The following XRCC4 variants were observed in gnomAD, a reference collection of about 807,000 sequenced individuals.
The protein encoded by XRCC4 is DNA repair protein XRCC4.
Under a neutral mutation model 39.1 loss-of-function variants are expected in XRCC4, and 28 were observed. The ratio of observed to expected loss-of-function variants is 0.72; its 90% CI spans 0.53 to 0.98. The LOEUF (loss-of-function observed/expected upper bound fraction) is 0.98. XRCC4 is among the 50% of genes least tolerant of loss of function. The pLI, the probability that XRCC4 is intolerant of heterozygous loss-of-function variation, is 0.00. For missense variants in XRCC4, 350 were observed against 376.4 expected (o/e 0.93, Z 0.58); for synonymous variants, 123 against 126.4 (o/e 0.97, Z 0.18).
At chr5:83,136,830 GAAATTCAGTC>G (rs1455743895) in intron 3 of XRCC4, among the ~76,000 whole-genome samples, 1 of 152,070 alleles carries the variant, frequency 6.6e-6, no homozygotes, top group Non-Finnish European at 1.5e-5. Flanking sequence ...TGTTTATTAT[GAAATTCAGTC>G]AAAAATCATA....
At chr5:83,248,129 C>A (rs1487898275) in intron 6 of XRCC4, among the ~76,000 whole-genome samples, 2 of 152,120 alleles carry the variant, frequency 1.3e-5, no homozygotes, top group African/African-American at 4.8e-5. Context: ...GAGCAGAATA[C>A]TCTTTCTGGC....
At chr5:83,337,937 C>G (rs752372469) in intron 7 of XRCC4, among the ~76,000 whole-genome samples, 5 of 152,074 alleles carry the variant, frequency 3.3e-5, no homozygotes, top group Non-Finnish European at 7.4e-5. Flanking sequence ...GAAAGCTTCA[C>G]AGAAACAATA....
At chr5:83,348,096 C>G (rs1756970098) in intron 7 of XRCC4, among the ~76,000 whole-genome samples, 1 of 152,156 alleles carries the variant, frequency 6.6e-6, no homozygotes, top group Non-Finnish European at 1.5e-5. Flanking sequence ...CTCCAGGGTA[C>G]AGCCCCCATG....
intron 7 of XRCC4, among the ~76,000 whole-genome samples, chr5:83,268,462 A>C (rs895344323): frequency 6.6e-6 from 1 of 152,162 alleles, no homozygotes; most frequent in East Asian, 1.9e-4. Flanking sequence ...ATCATTTTAC[A>C]TCATTTCATT....
intron 7 of XRCC4, among the ~76,000 whole-genome samples, chr5:83,275,114 A>G (rs868459330): frequency 6.6e-6 from 1 of 152,188 alleles, no homozygotes; most frequent in South Asian, 2.1e-4. Context: ...TTTTAGCAGT[A>G]AAGTTCCCAA....
intron 1 of XRCC4, among the ~76,000 whole-genome samples, chr5:83,103,016 A>ATATATG (rs957769080): frequency 7.0e-6 from 1 of 143,678 alleles, no homozygotes; most frequent in African/African-American, 2.6e-5. Flanking sequence ...GCTGATATAT[A>ATATATG]TATATATATA....
Position 83,238,733 on chromosome 5 carries a change from A to T in XRCC4, c.746-19797A>T, listed in dbSNP as rs1216442270. Among the ~76,000 whole-genome samples, 4 of 152,118 alleles carry T rather than the reference A, an allele frequency of 2.6e-5. No individual in the cohort carries two copies. In the East Asian group the frequency reaches 7.7e-4, roughly 29 times the overall value. ...CTCTGAATCGTTTTATTTTTCATAA[A>T]AGAAGTAAGGTTGGGTCCTTTTAGC... On this transcript the variant is annotated intron_variant, in intron 6 of 7. Transcript: ENST00000396027.
At chr5:83,322,000 A>T (rs1756092349) in intron 7 of XRCC4, among the ~76,000 whole-genome samples, 1 of 150,064 alleles carries the variant, frequency 6.7e-6, no homozygotes, top group South Asian at 2.1e-4. Context: ...AAATAAAACA[A>T]ACCTTCTAAA....
chr5:83,175,889 G>A (rs1029527616), intron 3 of XRCC4, among the ~76,000 whole-genome samples: 31 of 152,238 alleles, frequency 2.0e-4, no homozygotes, highest in African/African-American at 5.8e-4. Context: ...GATTATAGGC[G>A]TGAGCCACCA....
chr5:83,353,194 A>G lies in XRCC4; in HGVS notation c.957A>G (p.Leu319=). ...KEHISAENMS[L]ETLRNSSPED... ...ACATCTCAGCTGAAAACATGTCTTTAGAAACTCTGAGAAACAGCAGCCCAG... is the reference window on the plus strand; with the variant it reads ...ACATCTCAGCTGAAAACATGTCTTTGGAAACTCTGAGAAACAGCAGCCCAG... Residue 319 remains leucine, a synonymous_variant, in exon 8 of 8, where the codon TTA becomes TTG. Transcript: ENST00000396027. 1 of 1,612,510 alleles carries G rather than the reference A, an allele frequency of 6.2e-7. No homozygotes were observed. Among genetic ancestry groups the G allele is most frequent in the Non-Finnish European group, 8.5e-7 (1 of 1,179,184 alleles).
downstream of XRCC4, among the ~76,000 whole-genome samples, chr5:83,354,072 C>T (rs1375963153): frequency 6.6e-6 from 1 of 152,192 alleles, no homozygotes; most frequent in Non-Finnish European, 1.5e-5. Flanking sequence ...TTCCGTGCTA[C>T]TCAAAGTTAA....
intron 6 of XRCC4, among the ~76,000 whole-genome samples, chr5:83,245,293 A>G (rs1014896869): frequency 2.2e-4 from 33 of 152,096 alleles, no homozygotes; most frequent in African/African-American, 8.0e-4. Flanking sequence ...CTTTATTACA[A>G]TTACCGAAAC....
At chr5:83,281,290 G>A (rs1561452520) in intron 7 of XRCC4, among the ~76,000 whole-genome samples, 1 of 152,112 alleles carries the variant, frequency 6.6e-6, no homozygotes. Context: ...AGCTGCCAGA[G>A]TGATCCTTCT....
At chr5:83,139,772 T>C (rs1288699720) in intron 3 of XRCC4, among the ~76,000 whole-genome samples, 2 of 152,086 alleles carry the variant, frequency 1.3e-5, no homozygotes, top group Non-Finnish European at 2.9e-5. Flanking sequence ...GGTAAATCTT[T>C]GTGTATCTAC....
At chr5:83,266,856 T>A (rs942114330) in intron 7 of XRCC4, among the ~76,000 whole-genome samples, 1 of 152,126 alleles carries the variant, frequency 6.6e-6, no homozygotes, top group Non-Finnish European at 1.5e-5. Context: ...TTATTGAATG[T>A]TTACTCCTGT....
intron 4 of XRCC4, among the ~76,000 whole-genome samples, chr5:83,198,738 G>C (rs1751054032): frequency 6.6e-6 from 1 of 152,098 alleles, no homozygotes. Context: ...TAAAAAGTGT[G>C]AGCTTTAATG....
Position 83,090,846 on chromosome 5 carries a change from A to G in XRCC4, c.-11+13231A>G, listed in dbSNP as rs923301226. Among the ~76,000 whole-genome samples the G allele has an allele frequency of 3.3e-5, 5 of 152,228 alleles. No homozygotes were observed. In the South Asian group the frequency reaches 8.3e-4, roughly 25 times the overall value. ...AAAGTTCAAACATATTTCTTATAAT[A>G]TCACACACACTCATTATTTTTTGTT... is the stretch of plus-strand genomic sequence containing the variant. On this transcript the variant is annotated intron_variant, in intron 1 of 7. Transcript: ENST00000396027.
chr5:83,146,572 C>G (rs1748463284), intron 3 of XRCC4, among the ~76,000 whole-genome samples: 1 of 152,116 alleles, frequency 6.6e-6, no homozygotes, highest in Non-Finnish European at 1.5e-5. Flanking sequence ...ATATATTATT[C>G]ATTTTTGTGT....
At chr5:83,255,532 T>C (rs1753505369) in intron 6 of XRCC4, among the ~76,000 whole-genome samples, 1 of 152,222 alleles carries the variant, frequency 6.6e-6, no homozygotes. Flanking sequence ...TCAGTTTATT[T>C]GTGGTATAAT....
Sources: gnomAD v4.1 joint callset for allele counts (sites outside exome capture counted in the v4.1 genomes callset) on GRCh38, gnomAD v4.1.1 for gene constraint, MANE v1.5 for transcripts, NCBI Gene and HGNC (gene_info 2026-07-23, HGNC 2026-07-21) for gene names.